The following FBXO33 variants were observed in gnomAD, a reference collection of about 807,000 sequenced individuals.
The protein encoded by FBXO33 is F-box only protein 33.
A neutral mutation model predicts 46.3 loss-of-function variants in FBXO33; 22 were observed. That is an observed-to-expected ratio of 0.48 (90% CI 0.34 to 0.68). The LOEUF is 0.68. FBXO33 is among the 30% of genes least tolerant of loss of function. FBXO33 has a pLI of 0.01. For synonymous variants in FBXO33, 337 were observed against 291.3 expected (o/e 1.16, Z -1.60); for missense variants, 692 against 708.8 (o/e 0.98, Z 0.27).
At chr14:39,411,599 T>C (rs1193722501) in intron 1 of FBXO33, among the ~76,000 whole-genome samples, 2 of 149,826 alleles carry the variant, frequency 1.3e-5, no homozygotes, top group African/African-American at 4.9e-5. Context: ...CTTGGCTCAC[T>C]GCAAACTCTG....
intron 1 of FBXO33, among the ~76,000 whole-genome samples, chr14:39,421,435 T>C (rs1190756227): frequency 6.6e-6 from 1 of 151,536 alleles, no homozygotes; most frequent in Non-Finnish European, 1.5e-5. Flanking sequence ...GCATAGGGAG[T>C]ACCACTGGCT....
chr14:39,403,892 C>G (rs745522125), intron 1 of FBXO33, among the ~76,000 whole-genome samples: 2 of 151,622 alleles, frequency 1.3e-5, no homozygotes, highest in Non-Finnish European at 2.9e-5. Context: ...GCCTCAACCT[C>G]CTGGGCTTAA....
intron 1 of FBXO33, among the ~76,000 whole-genome samples, chr14:39,419,707 T>G (rs1191524865): frequency 6.6e-6 from 1 of 152,196 alleles, no homozygotes; most frequent in Non-Finnish European, 1.5e-5. Context: ...ATCAATAGGG[T>G]TATTTCCCGC....
Position 39,398,064 on chromosome 14 carries a change from C to T in FBXO33, c.*1452G>A, listed in dbSNP as rs2075351214. 1 of 152,604 alleles carries T rather than the reference C, an allele frequency of 6.6e-6. No individual in the cohort carries two copies. The highest frequency in any genetic ancestry group is 1.5e-5 in the Non-Finnish European group (1 of 68,028). The allele number at this position is 152,604 out of a possible 1,614,324, so 9.5% of individuals were successfully genotyped here. On this transcript the variant is annotated 3_prime_UTR_variant, in exon 4 of 4. Transcript: ENST00000298097. ...AAACCATTTGTAAAACACATATAAA[C>T]TTTTTTCCATAAATAGAATCATATC... is the stretch of plus-strand genomic sequence containing the variant.
chr14:39,403,518 T>C (rs1298301510), intron 1 of FBXO33, among the ~76,000 whole-genome samples: 1 of 152,170 alleles, frequency 6.6e-6, no homozygotes, highest in Non-Finnish European at 1.5e-5. Flanking sequence ...TGAGCCAAGA[T>C]CATGCCACTG....
chr14:39,423,503 T>C (rs536676403), intron 1 of FBXO33, among the ~76,000 whole-genome samples: 2 of 152,232 alleles, frequency 1.3e-5, no homozygotes, highest in African/African-American at 4.8e-5. Flanking sequence ...GCAATGATCA[T>C]TAAATACAAA....
At chr14:39,418,786 A>AG (rs1304279981) in intron 1 of FBXO33, among the ~76,000 whole-genome samples, 2 of 135,244 alleles carry the variant, frequency 1.5e-5, no homozygotes, top group African/African-American at 5.8e-5. Flanking sequence ...AAAAAAAAAA[A>AG]AAACAAAAAA....
chr14:39,432,147 A>C lies in FBXO33; in HGVS notation c.16T>G (p.Ser6Ala). MLLFL[S>A]VPQPRPPGAR... is the part of the protein sequence containing the mutation. ...CCCGGCGGTCGGGGCTGCGGCACTG[A>C]CAAGAACAACAACATCAATGACTAG... Residue 6 changes from serine (S) to alanine (A), a missense_variant, in exon 1 of 4, where the codon TCA becomes GCA. This residue lies in a region of FBXO33 where 412 missense variants were observed against 370.8 expected (regional missense o/e 1.11). Coordinates refer to ENST00000298097, the MANE Select transcript of FBXO33 (RefSeq NM_203301.4). 8.1e-7 allele frequency: 1 copy of C among 1,235,968 alleles called. No homozygotes were observed. Among genetic ancestry groups the C allele is most frequent in the African/African-American group, 1.6e-5 (1 of 64,316 alleles). The allele number at this position is 1,235,968 out of a possible 1,614,324, so 76.6% of individuals were successfully genotyped here. A position where few individuals can be genotyped will look rare whatever the true frequency, so the allele number is the denominator to read the frequency against.
At chr14:39,412,007 T>C (rs2075425504) in intron 1 of FBXO33, among the ~76,000 whole-genome samples, 1 of 152,214 alleles carries the variant, frequency 6.6e-6, no homozygotes, top group African/African-American at 2.4e-5. Context: ...ATGTTCCATG[T>C]GTGCTTGAGA....
Position 39,431,925 on chromosome 14 carries a change from AGAT to A in FBXO33, c.235_237del (p.Ile79del). 1 of 1,537,190 alleles carries A rather than the reference AGAT, an allele frequency of 6.5e-7. No individual in the cohort carries two copies. Among genetic ancestry groups the A allele is most frequent in the Non-Finnish European group, 8.7e-7 (1 of 1,147,816 alleles). ...CGGTCGGGCGCCGGCAGAAAAGAGA[AGAT>A]GTGCACGATCAGCTCGCTGGGCAGC... On this transcript the variant is annotated inframe_deletion, in exon 1 of 4. Coordinates refer to ENST00000298097, the MANE Select transcript of FBXO33 (RefSeq NM_203301.4).
intron 1 of FBXO33, among the ~76,000 whole-genome samples, chr14:39,426,917 T>A (rs1348615999): frequency 6.6e-6 from 1 of 152,226 alleles, no homozygotes; most frequent in Non-Finnish European, 1.5e-5. Flanking sequence ...TCTACTTGTT[T>A]CTGTCTTCCT....
At chr14:39,403,687 CA>C (rs1379841787) in intron 1 of FBXO33, among the ~76,000 whole-genome samples, 3 of 151,712 alleles carry the variant, frequency 2.0e-5, no homozygotes, top group Admixed American at 6.6e-5. Flanking sequence ...CTCCTAAGTC[CA>C]ATAATAACGA....
chr14:39,423,039 T>C (rs995747459), intron 1 of FBXO33, among the ~76,000 whole-genome samples: 3 of 152,094 alleles, frequency 2.0e-5, no homozygotes, highest in African/African-American at 7.2e-5. Context: ...GGAGAACTGC[T>C]TGAACCTGGG....
At chr14:39,405,764 A>C (rs2075393931) in intron 1 of FBXO33, among the ~76,000 whole-genome samples, 1 of 151,634 alleles carries the variant, frequency 6.6e-6, no homozygotes, top group Non-Finnish European at 1.5e-5. Flanking sequence ...CATAAGAAAA[A>C]TATGAAGAAT....
intron 1 of FBXO33, among the ~76,000 whole-genome samples, chr14:39,404,005 C>G (rs2139402778): frequency 6.6e-6 from 1 of 152,186 alleles, no homozygotes; most frequent in African/African-American, 2.4e-5. Flanking sequence ...TCTCAAAGTG[C>G]TGAGATTACA....
rs1199557065 is a variant in FBXO33, at chr14:39,399,623, G to A, written c.1561C>T (p.Leu521=). The A allele has an allele frequency of 1.1e-5, 17 of 1,613,776 alleles. No individual in the cohort carries two copies. The Admixed American group carries it at 1.7e-4, about 16-fold the overall frequency. The stretch of plus-strand genomic sequence containing the variant: ...ATGACTGCATGCCAAGGTTGACCCA[G>A]GCCCAGGGATACCTGCTCAATAAGG... The part of the protein sequence containing the change: ...HNLIEQVSLG[L]GQPWHAVMDI... The change falls in exon 4 of 4, where the codon CTG becomes TTG. Residue 521 remains leucine (L), a synonymous_variant. Transcript: ENST00000298097.
chr14:39,409,413 G>T (rs1434892829), intron 1 of FBXO33, among the ~76,000 whole-genome samples: 2 of 152,070 alleles, frequency 1.3e-5, no homozygotes, highest in African/African-American at 4.8e-5. Flanking sequence ...TATTTATGGG[G>T]TCTCTCTTCT....
chr14:39,420,255 A>G (rs1264583343), intron 1 of FBXO33, among the ~76,000 whole-genome samples: 5 of 152,252 alleles, frequency 3.3e-5, no homozygotes, highest in Non-Finnish European at 7.3e-5. Context: ...TAAAAATCAG[A>G]TGATACCAAG....
chr14:39,403,710 C>A (rs1216101530), intron 1 of FBXO33, among the ~76,000 whole-genome samples: 2 of 151,930 alleles, frequency 1.3e-5, no homozygotes, highest in Non-Finnish European at 2.9e-5. Flanking sequence ...CTAGATATTT[C>A]ATTTATAACA....
Sources: gnomAD v4.1 joint callset for allele counts (sites outside exome capture counted in the v4.1 genomes callset) on GRCh38, gnomAD v4.1.1 for gene constraint, gnomAD v4.1.1 regional missense constraint, MANE v1.5 for transcripts, NCBI Gene and HGNC (gene_info 2026-07-23, HGNC 2026-07-21) for gene names.